RIT2: variants seen among roughly 807,000 people sequenced by gnomAD.
The protein encoded by RIT2 is Ras like without CAAX 2.
In RIT2, 24 loss-of-function variants were observed where a neutral mutation model predicts 23.7. The observed-to-expected ratio is 1.01, with a 90% CI of 0.73 to 1.43. The LOEUF (loss-of-function observed/expected upper bound fraction) is 1.43, where lower values mean the gene tolerates loss of function less well. Ranked by LOEUF, RIT2 falls within the 40% of genes most tolerant of loss-of-function variation. The pLI, the probability that RIT2 is intolerant of heterozygous loss-of-function variation, is 0.00. For missense variants in RIT2, 236 were observed against 266.9 expected (o/e 0.88, Z 0.81); for synonymous variants, 107 against 91.1 (o/e 1.17, Z -0.99).
intron 1 of RIT2, among the ~76,000 whole-genome samples, chr18:43,074,883 C>T (rs1912976451): frequency 1.3e-5 from 2 of 152,150 alleles, no homozygotes; most frequent in South Asian, 4.1e-4. Context: ...ACAACACAGG[C>T]TGGGTCCTGT....
intron 4 of RIT2, among the ~76,000 whole-genome samples, chr18:42,763,879 A>G (rs1332488985): frequency 6.6e-6 from 1 of 152,174 alleles, no homozygotes; most frequent in Non-Finnish European, 1.5e-5. Flanking sequence ...ACACAAACAC[A>G]CACATCAGCC....
At chr18:42,902,219 C>T (rs1010194151) in intron 4 of RIT2, among the ~76,000 whole-genome samples, 3 of 151,514 alleles carry the variant, frequency 2.0e-5, no homozygotes, top group African/African-American at 7.3e-5. Flanking sequence ...TAAACAGAAG[C>T]TCTTTGGGGG....
chr18:42,961,131 AAG>A (rs1199868930), intron 3 of RIT2, among the ~76,000 whole-genome samples: 1 of 152,194 alleles, frequency 6.6e-6, no homozygotes, highest in Non-Finnish European at 1.5e-5. Flanking sequence ...TCATACATAA[AAG>A]AATAAAAAGT....
At chr18:42,856,253 TC>T (rs1568013889) in intron 4 of RIT2, among the ~76,000 whole-genome samples, 1 of 152,238 alleles carries the variant, frequency 6.6e-6, no homozygotes, top group Non-Finnish European at 1.5e-5. Flanking sequence ...AGACCTTTGT[TC>T]AGGAGAGAGT....
At chr18:42,846,018 T>C (rs934030707) in intron 4 of RIT2, among the ~76,000 whole-genome samples, 7 of 151,830 alleles carry the variant, frequency 4.6e-5, no homozygotes, top group African/African-American at 1.7e-4. Flanking sequence ...ACTAAAAATG[T>C]AGTAGGTAAT....
chr18:43,061,399 C>G (rs966482242), intron 1 of RIT2, among the ~76,000 whole-genome samples: 1 of 152,024 alleles, frequency 6.6e-6, no homozygotes, highest in Non-Finnish European at 1.5e-5. Flanking sequence ...ACATAATAAG[C>G]AACGGATATC....
At chr18:42,745,348 C>G (rs1175138438) in intron 4 of RIT2, among the ~76,000 whole-genome samples, 1 of 152,088 alleles carries the variant, frequency 6.6e-6, no homozygotes, top group Non-Finnish European at 1.5e-5. Flanking sequence ...AGGGCAGAAA[C>G]CAACTTTTTA....
intron 4 of RIT2, among the ~76,000 whole-genome samples, chr18:42,786,177 A>G (rs1406756621): frequency 1.3e-5 from 2 of 151,966 alleles, no homozygotes; most frequent in African/African-American, 4.8e-5. Context: ...AGGAGGCTCA[A>G]TGTATTGACA....
At chr18:42,764,521 C>G (rs191677795) in intron 4 of RIT2, among the ~76,000 whole-genome samples, 1 of 152,038 alleles carries the variant, frequency 6.6e-6, no homozygotes, top group Non-Finnish European at 1.5e-5. Flanking sequence ...AGGGACATAC[C>G]CCATCTCTTG....
chr18:42,819,248 T>C (rs142541787), intron 4 of RIT2, among the ~76,000 whole-genome samples: 42 of 151,956 alleles, frequency 2.8e-4, no homozygotes, highest in East Asian at 1.4e-3. Context: ...AATAGGATTA[T>C]GCAAAAACAA....
chr18:43,114,631 A>C (rs1914026380), intron 1 of RIT2, among the ~76,000 whole-genome samples: 2 of 152,168 alleles, frequency 1.3e-5, no homozygotes, highest in Non-Finnish European at 2.9e-5. Context: ...GCTATCTAAC[A>C]TTTGATCAGC....
At chr18:42,783,458 A>T (rs7226846) in intron 4 of RIT2, among the ~76,000 whole-genome samples, 1,875 of 152,270 alleles carry the variant, frequency 0.012, 28 homozygotes, top group African/African-American at 0.042. Context: ...AGTACTGAAT[A>T]CCAGCTTCAG....
chr18:42,803,494 T>C (rs1598660470), intron 4 of RIT2, among the ~76,000 whole-genome samples: 1 of 152,336 alleles, frequency 6.6e-6, no homozygotes, highest in African/African-American at 2.4e-5. Context: ...CATGTGAGTA[T>C]GTTTGCAGTG....
intron 4 of RIT2, among the ~76,000 whole-genome samples, chr18:42,792,082 A>G (rs1486915112): frequency 1.3e-5 from 2 of 152,262 alleles, no homozygotes; most frequent in Non-Finnish European, 2.9e-5. Context: ...AGATGGAGCC[A>G]TAACATAGAA....
Position 42,789,654 on chromosome 18 carries a change from G to A in RIT2, c.427-45934C>T, listed in dbSNP as rs576586694. On this transcript the variant is annotated intron_variant, in intron 4 of 4. Coordinates refer to ENST00000326695, the MANE Select transcript of RIT2 (RefSeq NM_002930.4). ...TCATTATTGGGGTGTAGAAAGGCTA[G>A]TGAGTTTTGCACATTAATTTTTTAT... is the stretch of plus-strand genomic sequence containing the variant. Among the ~76,000 whole-genome samples, 188 of 152,248 alleles carry A rather than the reference G, an allele frequency of 1.2e-3. 1 individual carries two copies. Among genetic ancestry groups the A allele is most frequent in the Non-Finnish European group, 2.2e-3 (151 of 68,014 alleles).
chr18:42,805,887 A>G (rs1356957432), intron 4 of RIT2, among the ~76,000 whole-genome samples: 1 of 152,088 alleles, frequency 6.6e-6, no homozygotes, highest in Non-Finnish European at 1.5e-5. Flanking sequence ...GAAATTGTCT[A>G]CCAGCCTTTC....
intron 1 of RIT2, among the ~76,000 whole-genome samples, chr18:43,058,064 G>A (rs1470113838): frequency 6.6e-6 from 1 of 152,068 alleles, no homozygotes; most frequent in African/African-American, 2.4e-5. Flanking sequence ...AAATTAAAGT[G>A]GTAATTACAC....
At chr18:42,987,979 A>G (rs1357422080) in intron 2 of RIT2, among the ~76,000 whole-genome samples, 1 of 152,192 alleles carries the variant, frequency 6.6e-6, no homozygotes, top group Non-Finnish European at 1.5e-5. Context: ...GACACCTTCC[A>G]TTAGCCTCAC....
At chr18:42,771,122 A>AT (rs563474529) in intron 4 of RIT2, among the ~76,000 whole-genome samples, 8 of 151,698 alleles carry the variant, frequency 5.3e-5, no homozygotes, top group East Asian at 1.9e-4. Flanking sequence ...AAACTACGTA[A>AT]TTTTTTTTTA....
Sources: allele counts gnomAD v4.1 joint callset (sites outside exome capture counted in the v4.1 genomes callset), GRCh38; gene constraint gnomAD v4.1.1; transcripts MANE v1.5; gene names NCBI Gene and HGNC (gene_info 2026-07-23, HGNC 2026-07-21).